Variants in PABPC1 observed in about 807,000 individuals in gnomAD.
The protein encoded by PABPC1 is polyadenylate-binding protein 1.
A neutral mutation model predicts 74.0 loss-of-function variants in PABPC1; 4 were observed. The observed-to-expected ratio is 0.05, with a 90% CI of 0.03 to 0.12. PABPC1 has a LOEUF of 0.12. PABPC1 is among the 10% of genes least tolerant of loss of function. PABPC1 has a pLI of 1.00. For missense variants in PABPC1, 271 were observed against 821.1 expected (o/e 0.33, Z 8.19); for synonymous variants, 227 against 264.1 (o/e 0.86, Z 1.36).
At chr8:100,715,142 C>T (rs1307696222) in intron 4 of PABPC1, among the ~76,000 whole-genome samples, 3 of 137,544 alleles carry the variant, frequency 2.2e-5, no homozygotes, top group Admixed American at 2.1e-4. Flanking sequence ...CACACACACA[C>T]ACACACACAC....
chr8:100,708,142 T>C (rs1435222770), intron 9 of PABPC1, among the ~76,000 whole-genome samples: 1 of 152,242 alleles, frequency 6.6e-6, no homozygotes. Context: ...TATTTTATAT[T>C]TTATTATATT....
intron 1 of PABPC1, among the ~76,000 whole-genome samples, chr8:100,719,751 C>T (rs1810765843): frequency 6.6e-6 from 1 of 152,152 alleles, no homozygotes; most frequent in South Asian, 2.1e-4. Flanking sequence ...AAGAGTAACA[C>T]TTTCAAGTTT....
intron 3 of PABPC1, among the ~76,000 whole-genome samples, chr8:100,716,736 G>GT (rs1810680569): frequency 6.6e-6 from 1 of 152,194 alleles, no homozygotes; most frequent in Non-Finnish European, 1.5e-5. Flanking sequence ...TGGCTGGAGT[G>GT]TAATAGCTGT....
chr8:100,717,695 T>C, intron 3 of PABPC1, 78 bp downstream of exon 3: 2 of 879,888 alleles, frequency 2.3e-6, no homozygotes, highest in Non-Finnish European at 1.8e-6. Context: ...CCCTGACAAA[T>C]ATTAACTTAA....
intron 1 of PABPC1, among the ~76,000 whole-genome samples, chr8:100,720,631 A>G (rs1479892164): frequency 1.3e-5 from 2 of 152,248 alleles, no homozygotes; most frequent in Admixed American, 1.3e-4. Flanking sequence ...AAATGGTCTA[A>G]GTTGCCTGAG....
intron 8 of PABPC1, 57 bp downstream of exon 8, chr8:100,709,402 A>G: frequency 6.3e-7 from 1 of 1,598,920 alleles, no homozygotes; most frequent in East Asian, 2.2e-5. Flanking sequence ...CACAAAAAAC[A>G]CTAGAAATGA....
At chr8:100,713,212 A>AT in intron 4 of PABPC1, 31 bp from the exon 5 acceptor site, 1 of 1,276,302 alleles carries the variant, frequency 7.8e-7, no homozygotes, top group East Asian at 2.4e-5. Context: ...AATCAAAGAT[A>AT]TTCCATACAA....
chr8:100,716,708 G>C (rs958898004), intron 3 of PABPC1, among the ~76,000 whole-genome samples: 1 of 152,158 alleles, frequency 6.6e-6, no homozygotes, highest in African/African-American at 2.4e-5. Flanking sequence ...TAAGAGACAA[G>C]GTCTTGCTAT....
At chr8:100,707,037 C>CAG (rs1445177236) in intron 9 of PABPC1, 40 bp from the exon 10 acceptor site, 1 of 1,402,520 alleles carries the variant, frequency 7.1e-7, no homozygotes, top group East Asian at 2.3e-5. Flanking sequence ...ACTGGGAAAA[C>CAG]TTACTGAGTG....
chr8:100,718,434 A>G (rs1227182347), intron 1 of PABPC1, among the ~76,000 whole-genome samples, 154 bp from the exon 2 acceptor site: 3 of 152,240 alleles, frequency 2.0e-5, no homozygotes, highest in Admixed American at 2.0e-4. Flanking sequence ...CCTTTCAAGT[A>G]TCACACACTA....
rs572971225 is a variant in PABPC1 at position 100,721,025 on chromosome 8, C to G, written c.193+366G>C. ...CCGGGTGGTGGGAGCGCCTCCACCT[C>G]TTACCCACGGAAGGAGCTCAGCGTT... On this transcript the variant is annotated intron_variant, in intron 1 of 14. Coordinates refer to ENST00000318607, the MANE Select transcript of PABPC1 (RefSeq NM_002568.4). This position sits in a 1 kb window ranked among gnomAD's most constrained non-coding sequence, Gnocchi z 7.4. 6.6e-6 allele frequency among the ~76,000 whole-genome samples: 1 copy of G among 151,822 alleles called. No homozygotes were observed. The highest frequency in any genetic ancestry group is 1.5e-5 in the Non-Finnish European group (1 of 68,020).
At chr8:100,717,305 G>A (rs181745146) in intron 3 of PABPC1, among the ~76,000 whole-genome samples, 7 of 152,196 alleles carry the variant, frequency 4.6e-5, no homozygotes, top group Non-Finnish European at 4.4e-5. Flanking sequence ...CACCGCGCCC[G>A]GACTTGTGAG....
In PABPC1 at chr8:100,712,348, A is replaced by T; in HGVS notation, c.972+14T>A. On this transcript the variant is annotated intron_variant, in intron 7 of 14. Transcript: ENST00000318607. Reference sequence around the variant, plus strand: ...TTACTAGACCTCAAATAAATGAACCATATGTTTTCTTACCTTTGCACTAGT... The same window carrying T: ...TTACTAGACCTCAAATAAATGAACCTTATGTTTTCTTACCTTTGCACTAGT... 2.2e-6 allele frequency: 3 copies of T among 1,360,582 alleles called. No homozygotes were observed. Among genetic ancestry groups the T allele is most frequent in the Non-Finnish European group, 3.1e-6 (3 of 977,342 alleles). 84.3% of individuals were successfully genotyped at this position (1,360,582 alleles called of 1,614,324 possible). A position where few individuals can be genotyped will look rare whatever the true frequency, so the allele number is the denominator to read the frequency against.
At chr8:100,720,008 C>G (rs936356824) in intron 1 of PABPC1, among the ~76,000 whole-genome samples, 1 of 152,238 alleles carries the variant, frequency 6.6e-6, no homozygotes, top group African/African-American at 2.4e-5. Flanking sequence ...AAATCAGTAT[C>G]AACTTTACAC....
At chr8:100,715,862 A>T (rs1810655937) in intron 3 of PABPC1, among the ~76,000 whole-genome samples, 1 of 152,218 alleles carries the variant, frequency 6.6e-6, no homozygotes, top group South Asian at 2.1e-4. Context: ...GGTTAAAGGG[A>T]TCACTCCCAT....
At position 100,703,223 on chromosome 8, in the gene PABPC1, A is replaced by G. The variant is rs1810289811; in HGVS notation, c.*138T>C. 6.0e-6 allele frequency: 1 copy of G among 167,474 alleles called. No homozygotes were observed. The highest frequency in any genetic ancestry group is 2.1e-4 in the South Asian group (1 of 4,868). 10.4% of individuals were successfully genotyped at this position (167,474 alleles called of 1,614,324 possible). ...TAGACCTGGCATTTGCTCGGTACAT[A>G]AGGTTCAAAGTTTCCTTTCCTTTTT... On this transcript the variant is annotated 3_prime_UTR_variant, in exon 15 of 15. Transcript: ENST00000318607.
Position 100,721,341 on chromosome 8 carries a change from A to G in PABPC1, c.193+50T>C. ...CTACCCCGCCCGCCGCCGCCGCCCG[A>G]GCCTCATGGCCGCCCGCCCGCCCGG... On this transcript the variant is annotated intron_variant, in intron 1 of 14. Transcript: ENST00000318607. This position sits in a 1 kb window ranked among gnomAD's most constrained non-coding sequence, Gnocchi z 7.4. 1 of 1,055,830 alleles carries G rather than the reference A, an allele frequency of 9.5e-7. No individual in the cohort carries two copies. Among genetic ancestry groups the G allele is most frequent in the Non-Finnish European group, 1.2e-6 (1 of 825,606 alleles). 65.4% of individuals were successfully genotyped at this position (1,055,830 alleles called of 1,614,324 possible).
intron 12 of PABPC1, among the ~76,000 whole-genome samples, chr8:100,705,370 G>A (rs1180447514): frequency 2.0e-5 from 3 of 152,200 alleles, no homozygotes; most frequent in African/African-American, 7.2e-5. Context: ...GAGGGCCCAT[G>A]GTGAGTAATG....
intron 12 of PABPC1, among the ~76,000 whole-genome samples, chr8:100,705,339 T>A (rs1392244709): frequency 6.6e-6 from 1 of 152,252 alleles, no homozygotes; most frequent in Non-Finnish European, 1.5e-5. Flanking sequence ...TGCTTCAAAT[T>A]CCTTCTCTCA....
Sources: allele counts gnomAD v4.1 joint callset (sites outside exome capture counted in the v4.1 genomes callset), GRCh38; gene constraint gnomAD v4.1.1; non-coding constraint Gnocchi (gnomAD v3.1); transcripts MANE v1.5; gene names NCBI Gene and HGNC (gene_info 2026-07-23, HGNC 2026-07-21).